SDK1: variants seen among roughly 807,000 people sequenced by gnomAD.
SDK1 encodes the protein sidekick cell adhesion molecule 1.
In SDK1, 157 loss-of-function variants were observed where a neutral mutation model predicts 245.5. That is an observed-to-expected ratio of 0.64 (90% CI 0.56 to 0.73). The LOEUF (loss-of-function observed/expected upper bound fraction) is 0.73. SDK1 is among the 30% of genes least tolerant of loss of function. SDK1 has a pLI of 0.00. For synonymous variants in SDK1, 1,647 were observed against 1,278.5 expected, an observed-to-expected ratio of 1.29 and a Z score of -6.15; for missense variants, 3,583 against 3,002.3, an observed-to-expected ratio of 1.19 and a Z score of -4.52.
At chr7:3,448,963 C>T (rs903598935) in intron 1 of SDK1, among the ~76,000 whole-genome samples, 5 of 152,112 alleles carry the variant, frequency 3.3e-5, no homozygotes, top group Non-Finnish European at 7.3e-5. Context: ...AGCTTGCAAC[C>T]TAACAATTTT....
At chr7:3,557,604 A>C (rs1320937275) in intron 1 of SDK1, among the ~76,000 whole-genome samples, 2 of 152,258 alleles carry the variant, frequency 1.3e-5, no homozygotes, top group African/African-American at 4.8e-5. Context: ...TGAGTAAGAT[A>C]ATTGGATTAT....
chr7:3,502,066 T>A (rs1782232258), intron 1 of SDK1, among the ~76,000 whole-genome samples: 1 of 152,100 alleles, frequency 6.6e-6, no homozygotes, highest in South Asian at 2.1e-4. Flanking sequence ...TTTCTATAAT[T>A]AAAAATATTA....
intron 1 of SDK1, among the ~76,000 whole-genome samples, chr7:3,303,035 T>C (rs569678530): frequency 6.6e-6 from 1 of 152,292 alleles, no homozygotes; most frequent in Non-Finnish European, 1.5e-5. Context: ...TTGATGCTTA[T>C]GTAACGTTAT....
At chr7:4,041,966 AC>A (rs1788673516) in intron 17 of SDK1, among the ~76,000 whole-genome samples, 1 of 134,752 alleles carries the variant, frequency 7.4e-6, no homozygotes, top group Admixed American at 6.9e-5. Flanking sequence ...GGCCCGCGCC[AC>A]CACGCCCAGC....
intron 22 of SDK1, among the ~76,000 whole-genome samples, chr7:4,085,616 G>A (rs902164510): frequency 2.6e-5 from 4 of 152,148 alleles, no homozygotes; most frequent in Non-Finnish European, 2.9e-5. Context: ...GTGCAGTGGC[G>A]TGATCTCAGA....
At position 3,833,877 on chromosome 7, in the gene SDK1, AC is replaced by A. The variant is rs1583460772; in HGVS notation, c.847+12296del. 3.3e-5 allele frequency among the ~76,000 whole-genome samples: 5 copies of A among 152,278 alleles called. No individual in the cohort carries two copies. The South Asian group carries it at 1.0e-3, about 32-fold the overall frequency. The stretch of plus-strand genomic sequence containing the variant: ...TTGAACCCTAGCCTGGCATTAGATG[AC>A]CTGGATCCTATTCACCTCTTCAGTT... On this transcript the variant is annotated intron_variant, in intron 5 of 44. Coordinates refer to ENST00000404826, the MANE Select transcript of SDK1 (RefSeq NM_152744.4).
chr7:3,991,082 G>T (rs140833691), intron 14 of SDK1, among the ~76,000 whole-genome samples: 1 of 152,346 alleles, frequency 6.6e-6, no homozygotes, highest in East Asian at 1.9e-4. Flanking sequence ...CAGCCTCCAC[G>T]TCGCACGTTC....
At chr7:3,988,987 C>G (rs1784083100) in intron 14 of SDK1, among the ~76,000 whole-genome samples, 1 of 152,208 alleles carries the variant, frequency 6.6e-6, no homozygotes, top group Non-Finnish European at 1.5e-5. Context: ...AAACTCCTGG[C>G]CTTGTGATCT....
chr7:4,107,134 T>TGGGGAGGGG (rs1782981481), intron 22 of SDK1, among the ~76,000 whole-genome samples: 2 of 3,672 alleles, frequency 5.4e-4, no homozygotes, highest in Non-Finnish European at 1.3e-3. Context: ...GTGGGGAGGG[T>TGGGGAGGGG]GGGGAGGGTG....
chr7:3,332,269 C>T (rs1298576762), intron 1 of SDK1, among the ~76,000 whole-genome samples: 2 of 152,026 alleles, frequency 1.3e-5, no homozygotes, highest in African/African-American at 2.4e-5. Context: ...ATGTACAGGG[C>T]GTGGCTTACT....
In SDK1 at chr7:4,174,365, T is replaced by C; in HGVS notation, c.4936+8T>C. On this transcript the variant is annotated splice_region_variant and intron_variant, in intron 33 of 44. Coordinates refer to ENST00000404826, the MANE Select transcript of SDK1 (RefSeq NM_152744.4). ...TACATGCTGAGCTCACAGGTGAGAC[T>C]GTCCCCTCTGTCCTGGTACAGGGAG... The C allele has an allele frequency of 6.2e-7, 1 of 1,613,462 alleles. No individual in the cohort carries two copies. The highest frequency in any genetic ancestry group is 1.1e-5 in the South Asian group (1 of 91,082).
At chr7:3,985,422 G>A (rs1020580630) in intron 13 of SDK1, among the ~76,000 whole-genome samples, 1 of 152,216 alleles carries the variant, frequency 6.6e-6, no homozygotes, top group Non-Finnish European at 1.5e-5. Context: ...AATGGGGCTT[G>A]GGAGGAGTAG....
intron 5 of SDK1, among the ~76,000 whole-genome samples, chr7:3,839,449 C>T (rs1780103593): frequency 1.3e-5 from 2 of 152,154 alleles, no homozygotes; most frequent in African/African-American, 2.4e-5. Context: ...GATGATAAAT[C>T]ACTGAGTGAC....
At position 4,241,771 on chromosome 7, in the gene SDK1, T is replaced by C. The variant is rs760620996; in HGVS notation, c.6131-22T>C. On this transcript the variant is annotated intron_variant, in intron 42 of 44. Transcript: ENST00000404826. The stretch of plus-strand genomic sequence containing the variant: ...GGCCACACCAGTAACACGTCTGTTC[T>C]CACTCTCCTGCTGGGCTTTAGGAAA... 19 of 1,613,870 alleles carry C rather than the reference T, an allele frequency of 1.2e-5. No individual in the cohort carries two copies. The South Asian group carries it at 1.9e-4, about 16-fold the overall frequency.
At chr7:4,080,724 G>C (rs962461511) in intron 22 of SDK1, among the ~76,000 whole-genome samples, 29 of 152,188 alleles carry the variant, frequency 1.9e-4, no homozygotes, top group Admixed American at 1.8e-3. Context: ...GAGGGGGTGG[G>C]GAGGGATAGC....
chr7:4,019,490 A>G (rs1161783580), intron 17 of SDK1, among the ~76,000 whole-genome samples: 1 of 152,182 alleles, frequency 6.6e-6, no homozygotes, highest in Non-Finnish European at 1.5e-5. Context: ...TCCATGTCCA[A>G]GTAGTCTTCT....
Position 3,806,903 on chromosome 7 carries a change from T to C in SDK1, c.714-14547T>C, listed in dbSNP as rs142707684. The stretch of plus-strand genomic sequence containing the variant: ...GGAACTAAGAGTGATATTACCTAAA[T>C]TTGCTTCCTGCCTGTATCTTACGTG... On this transcript the variant is annotated intron_variant, in intron 4 of 44. Coordinates refer to ENST00000404826, the MANE Select transcript of SDK1 (RefSeq NM_152744.4). Among the ~76,000 whole-genome samples the C allele has an allele frequency of 6.8e-4, 104 of 152,270 alleles. No homozygotes were observed. The East Asian group carries it at 0.018, about 27-fold the overall frequency.
chr7:3,975,428 C>T (rs1038746554), intron 13 of SDK1, among the ~76,000 whole-genome samples: 13 of 152,156 alleles, frequency 8.5e-5, no homozygotes, highest in African/African-American at 2.9e-4. Flanking sequence ...CCTCACTGGA[C>T]CCTGCCCCCT....
Position 3,971,538 on chromosome 7 carries a change from G to T in SDK1, c.1787G>T (p.Gly596Val), listed in dbSNP as rs1782487361. Residue 596 changes from glycine to valine, a missense_variant, in exon 12 of 45, where the codon GGT becomes GTT. By Grantham distance (109) the Gly-to-Val change is moderately radical. Coordinates refer to ENST00000404826, the MANE Select transcript of SDK1 (RefSeq NM_152744.4). The part of the protein sequence containing the change: ...IKGTTATLHC[G>V]ATHDPRVSLR... ...GGGACCACGGCCACGCTGCACTGTG[G>T]TGCCACACATGACCCCCGGGTTTCA... 2 of 1,613,546 alleles carry T rather than the reference G, an allele frequency of 1.2e-6. No homozygotes were observed. Among genetic ancestry groups the T allele is most frequent in the East Asian group, 4.5e-5 (2 of 44,874 alleles).
Sources: gnomAD v4.1 joint callset for allele counts (sites outside exome capture counted in the v4.1 genomes callset) on GRCh38, gnomAD v4.1.1 for gene constraint, MANE v1.5 for transcripts, NCBI Gene and HGNC (gene_info 2026-07-23, HGNC 2026-07-21) for gene names.